KCNN3: variants seen among roughly 807,000 people sequenced by gnomAD.
KCNN3 encodes small conductance calcium-activated potassium channel protein 3.
Under a neutral mutation model 62.9 loss-of-function variants are expected in KCNN3, and 16 were observed. The ratio of observed to expected loss-of-function variants is 0.25; its 90% confidence interval spans 0.17 to 0.39. The LOEUF is 0.39. Among genes scored for constraint, KCNN3 ranks in the 10% least tolerant of loss-of-function variants. The pLI, the probability that KCNN3 is intolerant of heterozygous loss-of-function variation, is 1.00. For missense variants in KCNN3, 599 were observed against 949.4 expected, an observed-to-expected ratio of 0.63 and a Z score of 4.85; for synonymous variants, 370 against 389.2, an observed-to-expected ratio of 0.95 and a Z score of 0.58.
chr1:154,841,128 G>A (rs769530512), intron 1 of KCNN3, among the ~76,000 whole-genome samples: 30 of 152,184 alleles, frequency 2.0e-4, no homozygotes, highest in Non-Finnish European at 3.2e-4. Context: ...GGTCTTTTCC[G>A]GGTAAAGATG....
At chr1:154,833,201 C>T (rs16836424) in intron 1 of KCNN3, among the ~76,000 whole-genome samples, 6,362 of 152,264 alleles carry the variant, frequency 0.042, 441 homozygotes, top group African/African-American at 0.15. Flanking sequence ...TACTACCCAC[C>T]TGATGCTCAG....
rs760919650 is a variant in KCNN3, at chr1:154,869,937, A to G, written c.28T>C (p.Ser10Pro). 2 of 1,611,000 alleles carry G rather than the reference A, an allele frequency of 1.2e-6. No individual in the cohort carries two copies. The highest frequency in any genetic ancestry group is 1.7e-5 in the Admixed American group (1 of 59,712). Residue 10 changes from serine to proline, a missense_variant, in exon 1 of 8, where the codon TCG (serine) becomes CCG (proline). Physicochemically the swap from Ser to Pro is moderately conservative, Grantham distance 74. Coordinates refer to ENST00000271915, the MANE Select transcript of KCNN3 (RefSeq NM_002249.6). This position sits in a 1 kb window ranked among gnomAD's most constrained non-coding sequence, Gnocchi z 6.1. MDTSGHFHDSGVGDLDEDPK... is the reference protein window; with the variant it reads MDTSGHFHDPGVGDLDEDPK... The stretch of plus-strand genomic sequence containing the variant: ...TCTTCATCCAAGTCCCCCACCCCCG[A>G]GTCATGGAAGTGCCCAGAAGTGTCC...
intron 5 of KCNN3, 148 bp downstream of exon 5, chr1:154,725,768 C>T (rs150863913): frequency 0.058 from 39,660 of 680,806 alleles, 2,009 homozygotes; most frequent in East Asian, 0.15. Context: ...TGGTCTTGAT[C>T]TCCTGACCTT....
At chr1:154,724,348 C>G (rs543758121) in intron 5 of KCNN3, among the ~76,000 whole-genome samples, 1 of 152,332 alleles carries the variant, frequency 6.6e-6, no homozygotes, top group African/African-American at 2.4e-5. Flanking sequence ...ACATTAATCA[C>G]TGAATATTTT....
chr1:154,782,462 G>C (rs902040895), intron 2 of KCNN3, among the ~76,000 whole-genome samples: 1 of 152,242 alleles, frequency 6.6e-6, no homozygotes, highest in East Asian at 1.9e-4. Flanking sequence ...TCACATGGCA[G>C]AGAAAGGGAG....
intron 3 of KCNN3, among the ~76,000 whole-genome samples, chr1:154,755,976 G>A (rs1176823333): frequency 1.4e-5 from 2 of 141,334 alleles, no homozygotes; most frequent in South Asian, 2.2e-4. Flanking sequence ...GGGAGGTGGA[G>A]GAGGAGGAAG....
At chr1:154,784,113 T>C (rs11264262) in intron 2 of KCNN3, among the ~76,000 whole-genome samples, 22,866 of 152,032 alleles carry the variant, frequency 0.15, 2,030 homozygotes, top group African/African-American at 0.24. Flanking sequence ...TGGGAGTTTG[T>C]AACCAATTAT....
intron 1 of KCNN3, among the ~76,000 whole-genome samples, chr1:154,835,608 T>C (rs1047183242): frequency 4.6e-5 from 7 of 152,220 alleles, no homozygotes; most frequent in Non-Finnish European, 7.3e-5. Context: ...TTTCATCAAT[T>C]ATGGACAATC....
At chr1:154,757,054 G>T (rs777530216) in intron 3 of KCNN3, among the ~76,000 whole-genome samples, 1 of 152,182 alleles carries the variant, frequency 6.6e-6, no homozygotes, top group Non-Finnish European at 1.5e-5. Flanking sequence ...CCGGGAGCAA[G>T]CATGATGAAG....
At chr1:154,732,884 C>A in intron 4 of KCNN3, 119 bp downstream of exon 4, 1 of 994,706 alleles carries the variant, frequency 1.0e-6, no homozygotes. Context: ...ACATGCAGGT[C>A]GGTTAACTAA....
At chr1:154,855,946 C>T (rs182485305) in intron 1 of KCNN3, among the ~76,000 whole-genome samples, 9 of 152,300 alleles carry the variant, frequency 5.9e-5, no homozygotes, top group Admixed American at 2.0e-4. Flanking sequence ...CAAAAGCAAG[C>T]GCCAAGGGTC....
chr1:154,720,172 T>C (rs1700317693), intron 5 of KCNN3, among the ~76,000 whole-genome samples: 1 of 152,248 alleles, frequency 6.6e-6, no homozygotes, highest in African/African-American at 2.4e-5. Context: ...AAGTGGATCT[T>C]GCATAGGCCG....
intron 7 of KCNN3, among the ~76,000 whole-genome samples, chr1:154,710,636 G>A (rs2101757682): frequency 6.6e-6 from 1 of 152,336 alleles, no homozygotes; most frequent in African/African-American, 2.4e-5. Flanking sequence ...GGGTGGCACT[G>A]CAGAAATGCA....
intron 1 of KCNN3, among the ~76,000 whole-genome samples, chr1:154,840,859 C>A (rs964806558): frequency 6.6e-6 from 1 of 152,228 alleles, no homozygotes; most frequent in African/African-American, 2.4e-5. Flanking sequence ...CCTCTGCCCC[C>A]ACCAACGCCC....
intron 3 of KCNN3, among the ~76,000 whole-genome samples, chr1:154,747,372 C>T (rs980552805): frequency 3.9e-5 from 6 of 152,182 alleles, no homozygotes; most frequent in Non-Finnish European, 8.8e-5. Flanking sequence ...CTACCAGTGG[C>T]TCCCCCTCTC....
In KCNN3 at chr1:154,870,150, C is replaced by T; in HGVS notation, c.-186G>A. 1 of 742,814 alleles carries T rather than the reference C, an allele frequency of 1.3e-6. No individual in the cohort carries two copies. The highest frequency in any genetic ancestry group is 2.4e-6 in the Non-Finnish European group (1 of 411,746). 46.0% of individuals were successfully genotyped at this position (742,814 alleles called of 1,614,324 possible). On this transcript the variant is annotated 5_prime_UTR_variant, in exon 1 of 8. An upstream start codon of the reference 5' UTR is lost. Transcript: ENST00000271915. The stretch of plus-strand genomic sequence containing the variant: ...GTCCAGACGCTGCCACTCAAGAATG[C>T]ATTGTATTGGGCAGGGAGGGAGAGC...
At chr1:154,723,057 ACTCCAG>A (rs1484447697) in intron 5 of KCNN3, among the ~76,000 whole-genome samples, 3 of 152,068 alleles carry the variant, frequency 2.0e-5, no homozygotes, top group Admixed American at 6.5e-5. Flanking sequence ...CCAATGAGCC[ACTCCAG>A]CTTGATACAA....
intron 1 of KCNN3, among the ~76,000 whole-genome samples, chr1:154,865,509 C>T (rs1281921616): frequency 6.6e-6 from 1 of 152,150 alleles, no homozygotes; most frequent in Non-Finnish European, 1.5e-5. Flanking sequence ...GGAATCAAGC[C>T]CCACCTCCCT....
intron 2 of KCNN3, among the ~76,000 whole-genome samples, chr1:154,802,100 C>T (rs2101874735): frequency 6.6e-6 from 1 of 152,342 alleles, no homozygotes; most frequent in Middle Eastern, 3.4e-3. Context: ...CTACCCTGTA[C>T]CACTGCTTTC....
Sources: gnomAD v4.1 joint callset for allele counts (sites outside exome capture counted in the v4.1 genomes callset) on GRCh38, gnomAD v4.1.1 for gene constraint, Gnocchi (gnomAD v3.1) non-coding constraint, MANE v1.5 for transcripts, NCBI Gene and HGNC (gene_info 2026-07-23, HGNC 2026-07-21) for gene names.